EVI5: variants seen among roughly 807,000 people sequenced by gnomAD.
EVI5 encodes the protein ecotropic viral integration site 5 protein homolog.
A neutral mutation model predicts 112.0 loss-of-function variants in EVI5; 73 were observed. That is an observed-to-expected ratio of 0.65 (90% CI 0.54 to 0.79). The LOEUF is 0.79. Among genes scored for constraint, EVI5 ranks in the 30% least tolerant of loss-of-function variants. The probability of loss-of-function intolerance (pLI) is 0.00; values close to 1 mark genes in which losing one functional copy is unlikely to be tolerated. For missense variants in EVI5, 900 were observed against 968.8 expected (o/e 0.93, Z 0.94); for synonymous variants, 305 against 319.9 (o/e 0.95, Z 0.50).
At chr1:92,592,072 T>C (rs1674040985) in intron 18 of EVI5, among the ~76,000 whole-genome samples, 1 of 151,934 alleles carries the variant, frequency 6.6e-6, no homozygotes, top group Admixed American at 6.6e-5. Flanking sequence ...TGAAACCCCG[T>C]CTCTACTAAA....
intron 18 of EVI5, among the ~76,000 whole-genome samples, chr1:92,585,254 C>T (rs1420000367): frequency 6.6e-6 from 1 of 150,670 alleles, no homozygotes; most frequent in Non-Finnish European, 1.5e-5. Context: ...CAGTGCTTTG[C>T]AGGGCTGAGT....
intron 18 of EVI5, among the ~76,000 whole-genome samples, chr1:92,567,315 AAG>A (rs1669654336): frequency 6.6e-6 from 1 of 152,214 alleles, no homozygotes; most frequent in Non-Finnish European, 1.5e-5. Context: ...ATTGAAGAAA[AAG>A]AAAATAAATT....
chr1:92,636,263 C>G lies in EVI5; in HGVS notation c.1466G>C (p.Ser489Thr). ...LEKELVQARL[S>T]EAESQCALKE... Reference sequence around the variant, plus strand: ...TAATGCACACTGAGACTCAGCTTCACTCAGTCGGGCTTGGACCAATTCCTT... The same window carrying G: ...TAATGCACACTGAGACTCAGCTTCAGTCAGTCGGGCTTGGACCAATTCCTT... The change falls in exon 14 of 20, where the codon AGT becomes ACT. Residue 489 changes from serine (S) to threonine (T), a missense_variant. Coordinates refer to ENST00000684568, the MANE Select transcript of EVI5 (RefSeq NM_001350197.2). 1 of 1,613,824 alleles carries G rather than the reference C, an allele frequency of 6.2e-7. No homozygotes were observed. The highest frequency in any genetic ancestry group is 8.5e-7 in the Non-Finnish European group (1 of 1,179,734).
chr1:92,516,117 G>A (rs539649262), intron 19 of EVI5, among the ~76,000 whole-genome samples: 4 of 152,118 alleles, frequency 2.6e-5, no homozygotes, highest in Non-Finnish European at 4.4e-5. Context: ...ACATCCTATC[G>A]CAATATTGCA....
At chr1:92,609,067 C>T (rs190910593) in intron 16 of EVI5, among the ~76,000 whole-genome samples, 1 of 152,198 alleles carries the variant, frequency 6.6e-6, no homozygotes, top group Non-Finnish European at 1.5e-5. Flanking sequence ...ACATATAGAC[C>T]TTGAACTAAC....
chr1:92,706,952 C>T (rs867031562), intron 2 of EVI5, among the ~76,000 whole-genome samples: 9 of 151,978 alleles, frequency 5.9e-5, no homozygotes, highest in Admixed American at 1.3e-4. Context: ...GAGGCCGAGG[C>T]GGGCGGATGA....
intron 2 of EVI5, among the ~76,000 whole-genome samples, chr1:92,725,968 C>A (rs1330090780): frequency 1.3e-5 from 2 of 152,068 alleles, no homozygotes; most frequent in Non-Finnish European, 2.9e-5. Flanking sequence ...AAAAAATACA[C>A]TAGATGGGAT....
At chr1:92,660,151 C>T (rs935752739) in intron 13 of EVI5, among the ~76,000 whole-genome samples, 7 of 151,914 alleles carry the variant, frequency 4.6e-5, no homozygotes, top group African/African-American at 1.7e-4. Context: ...CTGATGGTTA[C>T]ACTAAAAGCC....
intron 19 of EVI5, among the ~76,000 whole-genome samples, chr1:92,547,687 T>C (rs1302574546): frequency 1.3e-5 from 2 of 152,178 alleles, no homozygotes; most frequent in South Asian, 2.1e-4. Context: ...CCCACATACA[T>C]ACAAACTACC....
At chr1:92,689,645 G>A (rs1005053539) in intron 9 of EVI5, among the ~76,000 whole-genome samples, 1 of 152,080 alleles carries the variant, frequency 6.6e-6, no homozygotes, top group Non-Finnish European at 1.5e-5. Context: ...AAGGACTACA[G>A]ATGTTAAACC....
chr1:92,790,054 G>A (rs1287927331), upstream of EVI5, among the ~76,000 whole-genome samples: 2 of 152,176 alleles, frequency 1.3e-5, no homozygotes, highest in Non-Finnish European at 2.9e-5. Context: ...GCTCATGCCT[G>A]TAATCCCAGC....
rs1659166464 is a variant in EVI5 at position 92,511,161 on chromosome 1, G to A, written c.*2495C>T. The A allele has an allele frequency of 6.6e-6, 1 of 152,072 alleles. No individual in the cohort carries two copies. Among genetic ancestry groups the A allele is most frequent in the Admixed American group, 6.6e-5 (1 of 15,256 alleles). 9.4% of individuals were successfully genotyped at this position (152,072 alleles called of 1,614,324 possible). A position where few individuals can be genotyped will look rare whatever the true frequency, so the allele number is the denominator to read the frequency against. Reference sequence around the variant, plus strand: ...TTAAATTATGTTGTCAAAAAAGCAGGGAATTGCCAGGTGTGGTGGCTTACG... The same window carrying A: ...TTAAATTATGTTGTCAAAAAAGCAGAGAATTGCCAGGTGTGGTGGCTTACG... On this transcript the variant is annotated 3_prime_UTR_variant, in exon 20 of 20. Transcript: ENST00000684568.
intron 1 of EVI5, chr1:92,784,431 T>C (rs1160244304): frequency 4.1e-6 from 4 of 985,132 alleles, no homozygotes; most frequent in Non-Finnish European, 1.2e-6. Context: ...ACTTTGCAAG[T>C]CAGGGGGGCG....
At chr1:92,668,256 T>C (rs150793123) in intron 10 of EVI5, among the ~76,000 whole-genome samples, 3 of 152,324 alleles carry the variant, frequency 2.0e-5, no homozygotes, top group Non-Finnish European at 4.4e-5. Flanking sequence ...CATTATGATA[T>C]ACAGGAAAGT....
intron 9 of EVI5, 93 bp from the exon 10 acceptor site, chr1:92,677,311 T>C (rs1174949398): frequency 6.3e-6 from 4 of 632,488 alleles, no homozygotes; most frequent in Admixed American, 3.5e-5. Flanking sequence ...GAACATAAAA[T>C]ACAATTTCTT....
At chr1:92,767,546 A>T (rs533211348) in intron 1 of EVI5, among the ~76,000 whole-genome samples, 18 of 152,346 alleles carry the variant, frequency 1.2e-4, no homozygotes, top group African/African-American at 4.3e-4. Flanking sequence ...CTCTTAATCA[A>T]AACTGGAAAA....
At chr1:92,771,338 T>C (rs1683381533) in intron 1 of EVI5, among the ~76,000 whole-genome samples, 1 of 152,068 alleles carries the variant, frequency 6.6e-6, no homozygotes, top group South Asian at 2.1e-4. Flanking sequence ...CCCAGAGATA[T>C]CTCATACTTC....
chr1:92,742,127 A>G (rs1014235260), intron 1 of EVI5, among the ~76,000 whole-genome samples: 1 of 152,130 alleles, frequency 6.6e-6, no homozygotes, highest in Non-Finnish European at 1.5e-5. Context: ...AAAAACAAAT[A>G]ATCTGATTAA....
In EVI5 at chr1:92,516,925, T is replaced by C. The variant is rs78954541; in HGVS notation, c.2167-2955A>G. Among the ~76,000 whole-genome samples the C allele has an allele frequency of 3.1e-3, 466 of 151,874 alleles. 2 individuals carry two copies. Among genetic ancestry groups the C allele is most frequent in the African/African-American group, 0.011 (439 of 41,448 alleles). On this transcript the variant is annotated intron_variant, in intron 19 of 19. Transcript: ENST00000684568. The stretch of plus-strand genomic sequence containing the variant: ...AAAAAATCCTTATGGGTATTATCAG[T>C]AGCAAACTGAGATTAGCATATTTCA...
Sources: allele counts gnomAD v4.1 joint callset (sites outside exome capture counted in the v4.1 genomes callset), GRCh38; gene constraint gnomAD v4.1.1; transcripts MANE v1.5; gene names NCBI Gene and HGNC (gene_info 2026-07-23, HGNC 2026-07-21).